UNC13C: variants seen among roughly 807,000 people sequenced by gnomAD.
UNC13C encodes unc-13 homolog C.
In UNC13C, 174 loss-of-function variants were observed where a neutral mutation model predicts 245.4. The ratio of observed to expected loss-of-function variants is 0.71; its 90% CI spans 0.63 to 0.80. The LOEUF (loss-of-function observed/expected upper bound fraction) is 0.80. UNC13C is among the 30% of genes least tolerant of loss of function. The pLI, the probability that UNC13C is intolerant of heterozygous loss-of-function variation, is 0.00. For synonymous variants in UNC13C, 992 were observed against 895.1 expected, an observed-to-expected ratio of 1.11 and a Z score of -1.93; for missense variants, 2,829 against 2,602.9, an observed-to-expected ratio of 1.09 and a Z score of -1.89.
At chr15:54,228,233 A>G (rs1038532483) in intron 4 of UNC13C, among the ~76,000 whole-genome samples, 4 of 151,984 alleles carry the variant, frequency 2.6e-5, no homozygotes, top group African/African-American at 9.7e-5. Flanking sequence ...CCAAGCCTGG[A>G]GTTCTTTTTT....
At chr15:54,298,051 A>G (rs2037482147) in intron 12 of UNC13C, 125 bp downstream of exon 12, 7 of 674,730 alleles carry the variant, frequency 1.0e-5, no homozygotes, top group Admixed American at 8.7e-5. Context: ...CTGACTCTAT[A>G]CTACAGCAGG....
the UNC13C span, among the ~76,000 whole-genome samples, chr15:53,961,383 C>G: frequency 6.6e-6 from 1 of 152,210 alleles, no homozygotes; most frequent in Non-Finnish European, 1.5e-5. Context: ...AGCTGGTGTT[C>G]TAGATCTTTT....
intron 30 of UNC13C, among the ~76,000 whole-genome samples, chr15:54,595,526 A>T (rs1001339783): frequency 2.0e-5 from 3 of 152,204 alleles, no homozygotes; most frequent in Non-Finnish European, 4.4e-5. Flanking sequence ...TAAAATTCAC[A>T]GTGCAAGCCT....
chr15:54,473,119 G>A (rs896633171), intron 19 of UNC13C, among the ~76,000 whole-genome samples: 2 of 151,638 alleles, frequency 1.3e-5, no homozygotes, highest in African/African-American at 2.4e-5. Flanking sequence ...GTGGTATTTG[G>A]TTTTCTGTTC....
intron 17 of UNC13C, among the ~76,000 whole-genome samples, chr15:54,380,307 G>A (rs552356115): frequency 3.9e-5 from 6 of 152,126 alleles, no homozygotes; most frequent in Middle Eastern, 3.4e-3. Flanking sequence ...CAACATTTCC[G>A]TTCTTTAACA....
At chr15:54,603,535 A>AC (rs1183269309) in intron 30 of UNC13C, among the ~76,000 whole-genome samples, 3 of 151,394 alleles carry the variant, frequency 2.0e-5, no homozygotes, top group Non-Finnish European at 4.4e-5. Context: ...AAGCACTCCC[A>AC]CCCCTGAAAC....
intron 10 of UNC13C, among the ~76,000 whole-genome samples, chr15:54,281,931 C>T (rs893117232): frequency 5.3e-5 from 8 of 152,080 alleles, no homozygotes; most frequent in African/African-American, 1.9e-4. Flanking sequence ...TTTAAGTGTG[C>T]ATCTGGATTT....
At chr15:54,597,176 A>G (rs1596643559) in intron 30 of UNC13C, among the ~76,000 whole-genome samples, 1 of 152,114 alleles carries the variant, frequency 6.6e-6, no homozygotes, top group Admixed American at 6.5e-5. Flanking sequence ...TTGTGACAGG[A>G]GGTGGAGCTC....
chr15:54,235,242 C>A, intron 5 of UNC13C, 134 bp downstream of exon 5: 1 of 613,296 alleles, frequency 1.6e-6, no homozygotes, highest in Non-Finnish European at 2.8e-6. Context: ...CAGATGCTAC[C>A]TGCTGTTATA....
chr15:54,173,625 G>C (rs1016643612), intron 4 of UNC13C, among the ~76,000 whole-genome samples: 1 of 151,876 alleles, frequency 6.6e-6, no homozygotes, highest in African/African-American at 2.4e-5. Flanking sequence ...GATTGCTTAG[G>C]AGTTTCTATG....
chr15:54,074,228 T>C (rs1022913745), intron 2 of UNC13C, among the ~76,000 whole-genome samples: 1 of 144,842 alleles, frequency 6.9e-6, no homozygotes, highest in African/African-American at 2.5e-5. Flanking sequence ...TTCTGTTCCA[T>C]TGGTCTATAT....
At chr15:53,843,392 G>A in the UNC13C span, among the ~76,000 whole-genome samples, 1 of 152,012 alleles carries the variant, frequency 6.6e-6, no homozygotes, top group Admixed American at 6.6e-5. Flanking sequence ...AGCCCAGGAG[G>A]CAGAAGTTGC....
At chr15:54,207,615 G>GATAC (rs1259854745) in intron 4 of UNC13C, among the ~76,000 whole-genome samples, 1 of 152,068 alleles carries the variant, frequency 6.6e-6, no homozygotes, top group Non-Finnish European at 1.5e-5. Context: ...ACCCATTAAA[G>GATAC]ATACATATAA....
intron 31 of UNC13C, among the ~76,000 whole-genome samples, chr15:54,623,296 G>T (rs1900914881): frequency 2.0e-5 from 3 of 151,924 alleles, no homozygotes; most frequent in Admixed American, 2.0e-4. Flanking sequence ...ATTATTAGCA[G>T]TTGACAAAAT....
intron 25 of UNC13C, among the ~76,000 whole-genome samples, chr15:54,525,871 T>G (rs1895431283): frequency 6.6e-6 from 1 of 152,148 alleles, no homozygotes; most frequent in Non-Finnish European, 1.5e-5. Flanking sequence ...TATAACACTA[T>G]CCTCAGAGTT....
intron 2 of UNC13C, among the ~76,000 whole-genome samples, chr15:54,043,967 A>G (rs1275900499): frequency 6.6e-6 from 1 of 152,244 alleles, no homozygotes; most frequent in African/African-American, 2.4e-5. Flanking sequence ...AAGTGTAAAT[A>G]AAATTCAATA....
At chr15:54,059,143 T>G (rs889445651) in intron 2 of UNC13C, among the ~76,000 whole-genome samples, 2 of 152,032 alleles carry the variant, frequency 1.3e-5, no homozygotes, top group African/African-American at 2.4e-5. Flanking sequence ...AAATAAAGGG[T>G]GTTCAATTGG....
At chr15:53,937,098 G>T in the UNC13C span, among the ~76,000 whole-genome samples, 1 of 152,174 alleles carries the variant, frequency 6.6e-6, no homozygotes, top group Admixed American at 6.5e-5. Flanking sequence ...AGCTAAAGGA[G>T]CATGTTCTAA....
intron 24 of UNC13C, among the ~76,000 whole-genome samples, chr15:54,525,014 C>T (rs777307212): frequency 4.6e-5 from 7 of 152,070 alleles, no homozygotes; most frequent in East Asian, 1.9e-4. Context: ...AAAACATGGG[C>T]GTGCTTGGAT....
Sources: gnomAD v4.1 joint callset for allele counts (sites outside exome capture counted in the v4.1 genomes callset) on GRCh38, gnomAD v4.1.1 for gene constraint, MANE v1.5 for transcripts, NCBI Gene and HGNC (gene_info 2026-07-23, HGNC 2026-07-21) for gene names.